CRACR2A: variants seen among roughly 807,000 people sequenced by gnomAD.
CRACR2A encodes the protein calcium release activated channel regulator 2A.
CRACR2A carries 79 observed loss-of-function variants against 90.5 expected under a neutral mutation model. The observed-to-expected ratio is 0.87, with a 90% confidence interval of 0.73 to 1.05. The LOEUF is 1.05. CRACR2A is among the 50% of genes least tolerant of loss of function. CRACR2A has a pLI of 0.00. For missense variants in CRACR2A, 823 were observed against 897.2 expected (o/e 0.92, Z 1.06); for synonymous variants, 338 against 356.7 (o/e 0.95, Z 0.59).
At chr12:3,741,409 G>C (rs1946523475) in intron 1 of CRACR2A, among the ~76,000 whole-genome samples, 2 of 152,202 alleles carry the variant, frequency 1.3e-5, no homozygotes, top group African/African-American at 4.8e-5. Context: ...AATGATATAA[G>C]AAGCAAAGGT....
At chr12:3,626,812 A>G (rs1424175058) in intron 17 of CRACR2A, among the ~76,000 whole-genome samples, 1 of 132,936 alleles carries the variant, frequency 7.5e-6, no homozygotes, top group Non-Finnish European at 1.7e-5. Context: ...TAGGAATCAT[A>G]AACATAGAGT....
In CRACR2A at chr12:3,696,978, C is replaced by T. The variant is rs1565493367; in HGVS notation, c.22G>A (p.Val8Ile). ...CCAAGTCTCTGGGGTCTGGAGACTA[C>T]CCTCCCGTCAGGGGCAGCCATCGCG... MAAPDGRVVSRPQRLGQG... is the reference protein window; with the variant it reads MAAPDGRIVSRPQRLGQG... The change falls in exon 4 of 20, where the codon GTA (valine) becomes ATA (isoleucine). Residue 8 changes from valine (V) to isoleucine (I), a missense_variant. By Grantham distance (29) the Val-to-Ile change is conservative. Coordinates refer to ENST00000440314, the MANE Select transcript of CRACR2A (RefSeq NM_001144958.2). 6.2e-7 allele frequency: 1 copy of T among 1,613,332 alleles called. No homozygotes were observed. The highest frequency in any genetic ancestry group is 1.1e-5 in the South Asian group (1 of 90,974).
At chr12:3,650,480 T>C (rs1944774839) in intron 10 of CRACR2A, among the ~76,000 whole-genome samples, 1 of 152,190 alleles carries the variant, frequency 6.6e-6, no homozygotes, top group Non-Finnish European at 1.5e-5. Context: ...TAATTTCAAC[T>C]TGAAGTAAAA....
At chr12:3,660,744 T>C (rs1945014356) in intron 7 of CRACR2A, among the ~76,000 whole-genome samples, 1 of 151,880 alleles carries the variant, frequency 6.6e-6, no homozygotes, top group Non-Finnish European at 1.5e-5. Flanking sequence ...TGGCCCTTAC[T>C]CCCTATCCTC....
intron 7 of CRACR2A, among the ~76,000 whole-genome samples, chr12:3,666,566 C>A (rs972677893): frequency 6.6e-6 from 1 of 152,152 alleles, no homozygotes; most frequent in African/African-American, 2.4e-5. Context: ...ATGTAGTTAG[C>A]GTTAACTTAT....
chr12:3,674,119 G>A (rs561246268), intron 6 of CRACR2A, among the ~76,000 whole-genome samples: 1 of 152,346 alleles, frequency 6.6e-6, no homozygotes, highest in East Asian at 1.9e-4. Flanking sequence ...GTTGCCCCCA[G>A]GAAGGATGGT....
At chr12:3,650,592 C>G (rs1284757916) in intron 10 of CRACR2A, among the ~76,000 whole-genome samples, 1 of 152,190 alleles carries the variant, frequency 6.6e-6, no homozygotes, top group African/African-American at 2.4e-5. Context: ...CGACTCTGAG[C>G]CCTGGGAGCT....
Position 3,688,088 on chromosome 12 carries a change from A to C in CRACR2A, c.229-7739T>G, listed in dbSNP as rs561361089. On this transcript the variant is annotated intron_variant, in intron 4 of 19. Transcript: ENST00000440314. ...AAGTTCCTTGTAGATGCTGTATATTAGACCTTTGTCAGTGCATAGTTTGCA... is the reference window on the plus strand; with the variant it reads ...AAGTTCCTTGTAGATGCTGTATATTCGACCTTTGTCAGTGCATAGTTTGCA... Among the ~76,000 whole-genome samples the C allele has an allele frequency of 1.0e-3, 152 of 152,326 alleles. 1 individual carries two copies. The highest frequency in any genetic ancestry group is 3.6e-3 in the African/African-American group (148 of 41,558).
intron 1 of CRACR2A, among the ~76,000 whole-genome samples, chr12:3,734,655 A>ATGTGTGTGTGTGTGTG (rs1475033071): frequency 1.2e-4 from 9 of 74,708 alleles, no homozygotes; most frequent in African/African-American, 4.1e-4. Flanking sequence ...GTGTGTGTGC[A>ATGTGTGTGTGTGTGTG]TATACATAAT....
chr12:3,645,767 CT>C (rs1241897011), intron 11 of CRACR2A, among the ~76,000 whole-genome samples: 14 of 152,154 alleles, frequency 9.2e-5, no homozygotes, highest in Non-Finnish European at 2.9e-5. Flanking sequence ...GTGAACAACT[CT>C]TCTGAAAGTT....
At position 3,628,049 on chromosome 12, in the gene CRACR2A, CT is replaced by C. The variant is rs1425597811; in HGVS notation, c.1736-344del. Reference sequence around the variant, plus strand: ...TCCTTCCCTCCCTCTCTCCTTCCCTCTCTCTCTCTTTCCCTCCCTCTCTCCC... The same window carrying C: ...TCCTTCCCTCCCTCTCTCCTTCCCTCCTCTCTCTTTCCCTCCCTCTCTCCC... On this transcript the variant is annotated intron_variant, in intron 15 of 19. Transcript: ENST00000440314. 2.6e-4 allele frequency among the ~76,000 whole-genome samples: 36 copies of C among 139,164 alleles called. 2 individuals carry two copies. Among genetic ancestry groups the C allele is most frequent in the African/African-American group, 9.1e-4 (34 of 37,458 alleles). 91.3% of individuals were successfully genotyped at this position (139,164 alleles called of 152,430 possible). A position where few individuals can be genotyped will look rare whatever the true frequency, so the allele number is the denominator to read the frequency against.
intron 2 of CRACR2A, among the ~76,000 whole-genome samples, chr12:3,715,315 T>C (rs1387182948): frequency 6.6e-6 from 1 of 152,228 alleles, no homozygotes; most frequent in African/African-American, 2.4e-5. Context: ...GCACTAGCCC[T>C]TCACTCAATA....
chr12:3,617,685 G>A (rs2137264525), intron 18 of CRACR2A, among the ~76,000 whole-genome samples: 1 of 152,314 alleles, frequency 6.6e-6, no homozygotes, highest in Admixed American at 6.5e-5. Flanking sequence ...CCTTGGTTAA[G>A]GCTCATCATA....
chr12:3,717,957 C>G (rs1946104732), intron 2 of CRACR2A, among the ~76,000 whole-genome samples: 1 of 152,190 alleles, frequency 6.6e-6, no homozygotes, highest in Non-Finnish European at 1.5e-5. Flanking sequence ...GGATCTCACT[C>G]TGTCTTAAGA....
intron 6 of CRACR2A, among the ~76,000 whole-genome samples, chr12:3,676,638 G>A (rs1945340802): frequency 6.6e-6 from 1 of 152,190 alleles, no homozygotes; most frequent in Admixed American, 6.5e-5. Flanking sequence ...ATGAGGGAAT[G>A]TGACCTCATC....
chr12:3,733,837 C>T (rs1396517742), intron 1 of CRACR2A, among the ~76,000 whole-genome samples: 1 of 150,356 alleles, frequency 6.7e-6, no homozygotes, highest in African/African-American at 2.5e-5. Flanking sequence ...GAATCCAATC[C>T]CACTATCCTA....
Position 3,648,721 on chromosome 12 carries a change from T to C in CRACR2A, c.1047-108A>G, listed in dbSNP as rs1944739308. The C allele has an allele frequency of 1.7e-5, 25 of 1,466,412 alleles. No homozygotes were observed. The South Asian group carries it at 2.6e-4, about 15-fold the overall frequency. The allele number at this position is 1,466,412 out of a possible 1,614,324, so 90.8% of individuals were successfully genotyped here. Reference sequence around the variant, plus strand: ...GATGCCGTGCTGGGGATGGAGGGCATTGGAGGAACGTGGCCTCCTCCTGGA... The same window carrying C: ...GATGCCGTGCTGGGGATGGAGGGCACTGGAGGAACGTGGCCTCCTCCTGGA... On this transcript the variant is annotated intron_variant, in intron 10 of 19. Coordinates refer to ENST00000440314, the MANE Select transcript of CRACR2A (RefSeq NM_001144958.2).
At chr12:3,675,585 T>A (rs1304483901) in intron 6 of CRACR2A, among the ~76,000 whole-genome samples, 1 of 152,216 alleles carries the variant, frequency 6.6e-6, no homozygotes, top group Non-Finnish European at 1.5e-5. Flanking sequence ...CTATTATGAC[T>A]ACATAAATAA....
intron 2 of CRACR2A, among the ~76,000 whole-genome samples, chr12:3,720,717 C>T (rs1371459473): frequency 6.6e-6 from 1 of 152,224 alleles, no homozygotes; most frequent in African/African-American, 2.4e-5. Context: ...TTCCCACTTC[C>T]AATCCTCGCT....
Sources: allele counts gnomAD v4.1 joint callset (sites outside exome capture counted in the v4.1 genomes callset), GRCh38; gene constraint gnomAD v4.1.1; transcripts MANE v1.5; gene names NCBI Gene and HGNC (gene_info 2026-07-23, HGNC 2026-07-21).